Variants in RBFOX3 observed in about 807,000 individuals in gnomAD.
The protein encoded by RBFOX3 is RNA binding fox-1 homolog 3, also known as RNA binding protein fox-1 homolog 3.
Under a neutral mutation model 48.7 loss-of-function variants are expected in RBFOX3, and 17 were observed. That is an observed-to-expected ratio of 0.35 (90% CI 0.24 to 0.52). The LOEUF (loss-of-function observed/expected upper bound fraction) is 0.52, where lower values mean the gene tolerates loss of function less well. Among genes scored for constraint, RBFOX3 ranks in the 20% least tolerant of loss-of-function variants. The probability of loss-of-function intolerance (pLI) is 0.94; values close to 1 mark genes in which losing one functional copy is unlikely to be tolerated. For synonymous variants in RBFOX3, 212 were observed against 209.5 expected, an observed-to-expected ratio of 1.01 and a Z score of -0.10; for missense variants, 382 against 497.5, an observed-to-expected ratio of 0.77 and a Z score of 2.21.
chr17:79,544,035 T>C (rs2090069749), intron 1 of RBFOX3, among the ~76,000 whole-genome samples: 1 of 152,196 alleles, frequency 6.6e-6, no homozygotes, highest in Non-Finnish European at 1.5e-5. Context: ...AGCCCGTCCC[T>C]GGGCATTGAG....
chr17:79,461,432 A>AT (rs2075353882), intron 2 of RBFOX3, among the ~76,000 whole-genome samples: 1 of 152,174 alleles, frequency 6.6e-6, no homozygotes, highest in African/African-American at 2.4e-5. Flanking sequence ...AGATGGAGAG[A>AT]TTGCATCTCC....
intron 4 of RBFOX3, among the ~76,000 whole-genome samples, chr17:79,186,711 G>A (rs951940255): frequency 2.6e-5 from 4 of 152,270 alleles, no homozygotes; most frequent in African/African-American, 4.8e-5. Context: ...TACCCCATTC[G>A]CCCTGAATCT....
chr17:79,283,820 G>T (rs1247873568), intron 3 of RBFOX3, among the ~76,000 whole-genome samples: 2 of 152,236 alleles, frequency 1.3e-5, no homozygotes, highest in African/African-American at 4.8e-5. Flanking sequence ...AGAACTCTAT[G>T]ACTGCTTCAA....
At chr17:79,155,831 TC>T (rs2145070554) in intron 4 of RBFOX3, among the ~76,000 whole-genome samples, 1 of 152,154 alleles carries the variant, frequency 6.6e-6, no homozygotes, top group Non-Finnish European at 1.5e-5. Flanking sequence ...CCAGACGCAC[TC>T]CCCTCCCGAT....
intron 3 of RBFOX3, among the ~76,000 whole-genome samples, chr17:79,278,812 G>A (rs977426683): frequency 5.9e-5 from 9 of 152,238 alleles, no homozygotes; most frequent in African/African-American, 2.2e-4. Flanking sequence ...GCCAGAACGG[G>A]AAGGGACTTA....
intron 3 of RBFOX3, among the ~76,000 whole-genome samples, chr17:79,262,285 G>A (rs772126606): frequency 8.5e-5 from 13 of 152,192 alleles, no homozygotes; most frequent in East Asian, 1.9e-4. Context: ...GGCAAGTCCC[G>A]CAGCCATGGG....
At chr17:79,189,575 C>G (rs1443626623) in intron 4 of RBFOX3, among the ~76,000 whole-genome samples, 1 of 152,210 alleles carries the variant, frequency 6.6e-6, no homozygotes, top group Non-Finnish European at 1.5e-5. Context: ...TCTCATTAGG[C>G]AGGAGGTCGC....
At chr17:79,320,058 C>T (rs1186435414) in intron 2 of RBFOX3, among the ~76,000 whole-genome samples, 1 of 151,552 alleles carries the variant, frequency 6.6e-6, no homozygotes, top group Non-Finnish European at 1.5e-5. Flanking sequence ...TGGTCTTGTC[C>T]AGGCTGCTGG....
At chr17:79,557,363 GC>G (rs2091856814) in intron 1 of RBFOX3, among the ~76,000 whole-genome samples, 2 of 96,270 alleles carry the variant, frequency 2.1e-5, no homozygotes, top group Non-Finnish European at 4.2e-5. Context: ...TGTTACCCCT[GC>G]CCACCCACCC....
chr17:79,486,468 CCTT>C (rs1415819827), intron 1 of RBFOX3, among the ~76,000 whole-genome samples: 1 of 152,166 alleles, frequency 6.6e-6, no homozygotes, highest in Non-Finnish European at 1.5e-5. Context: ...CCTCAACTCC[CCTT>C]CTTCTGGGAG....
At chr17:79,595,094 C>T (rs2093533020) in intron 1 of RBFOX3, among the ~76,000 whole-genome samples, 2 of 152,262 alleles carry the variant, frequency 1.3e-5, no homozygotes, top group East Asian at 1.9e-4. Context: ...GCTCCCCATC[C>T]CACCCTTAGA....
chr17:79,651,104 A>G, the RBFOX3 span, among the ~76,000 whole-genome samples: 5 of 152,184 alleles, frequency 3.3e-5, no homozygotes, highest in African/African-American at 4.8e-5. Context: ...GCACTGCAGG[A>G]TTGAGTCACC....
intron 1 of RBFOX3, among the ~76,000 whole-genome samples, chr17:79,490,950 G>C (rs1297212144): frequency 6.8e-6 from 1 of 147,784 alleles, no homozygotes; most frequent in African/African-American, 2.5e-5. Flanking sequence ...GGGTGTCTAG[G>C]AACCTAAGCA....
At chr17:79,292,492 C>A (rs1257783393) in intron 3 of RBFOX3, among the ~76,000 whole-genome samples, 5 of 151,938 alleles carry the variant, frequency 3.3e-5, no homozygotes. Flanking sequence ...TCAATGAATA[C>A]TGGTTGAAAA....
chr17:79,634,552 G>A, the RBFOX3 span, among the ~76,000 whole-genome samples: 1 of 152,124 alleles, frequency 6.6e-6, no homozygotes, highest in Non-Finnish European at 1.5e-5. Context: ...GTTCTATAGA[G>A]CACCCACTGC....
chr17:79,097,667 A>AACCCCCCCCCC, intron 10 of RBFOX3, 25 bp downstream of exon 10: 4 of 1,031,790 alleles, frequency 3.9e-6, no homozygotes, highest in African/African-American at 2.4e-5. Context: ...GTCTCATCCC[A>AACCCCCCCCCC]TCCCCGCCCC....
At position 79,392,862 on chromosome 17, in the gene RBFOX3, G is replaced by C. The variant is rs2148231182; in HGVS notation, c.-174-85038C>G. On this transcript the variant is annotated intron_variant, in intron 2 of 14. Coordinates refer to ENST00000693108, the MANE Select transcript of RBFOX3 (RefSeq NM_001350451.2). The surrounding 1 kb of genome is among the most constrained non-coding windows in gnomAD (Gnocchi z 5.0). The stretch of plus-strand genomic sequence containing the variant: ...GCTGACTGAGACACTGACTCCTGCA[G>C]AGCTTCTCTGAGGAGAAAGGATTCC... Among the ~76,000 whole-genome samples the C allele has an allele frequency of 6.6e-6, 1 of 152,308 alleles. No individual in the cohort carries two copies. The highest frequency in any genetic ancestry group is 3.4e-3 in the Middle Eastern group (1 of 294).
intron 2 of RBFOX3, among the ~76,000 whole-genome samples, chr17:79,406,969 C>T (rs76485942): frequency 0.097 from 14,768 of 152,256 alleles, 866 homozygotes; most frequent in South Asian, 0.15. Context: ...AGGTGAGCTG[C>T]AGATCCACCG....
intron 6 of RBFOX3, 94 bp from the exon 7 acceptor site, chr17:79,104,220 A>G: frequency 9.0e-7 from 1 of 1,116,774 alleles, no homozygotes; most frequent in African/African-American, 1.5e-5. Flanking sequence ...TGAGACGCTC[A>G]TGCCTGTGCT....
Sources: gnomAD v4.1 joint callset for allele counts (sites outside exome capture counted in the v4.1 genomes callset) on GRCh38, gnomAD v4.1.1 for gene constraint, Gnocchi (gnomAD v3.1) non-coding constraint, MANE v1.5 for transcripts, NCBI Gene and HGNC (gene_info 2026-07-23, HGNC 2026-07-21) for gene names.